The following NRROS variants were observed in gnomAD, a reference collection of about 807,000 sequenced individuals.
NRROS encodes the protein negative regulator of reactive oxygen species.
A neutral mutation model predicts 12.0 loss-of-function variants in NRROS; 6 were observed. The observed-to-expected ratio is 0.50, with a 90% confidence interval of 0.27 to 0.98. The LOEUF is 0.98. NRROS is among the 50% of genes least tolerant of loss of function. NRROS has a pLI of 0.11. For missense variants in NRROS, 857 were observed against 888.2 expected, an observed-to-expected ratio of 0.96 and a Z score of 0.45; for synonymous variants, 462 against 410.2, an observed-to-expected ratio of 1.13 and a Z score of -1.53.
chr3:196,648,043 T>A (rs141401244), intron 1 of NRROS, among the ~76,000 whole-genome samples: 3 of 152,218 alleles, frequency 2.0e-5, no homozygotes, highest in Non-Finnish European at 4.4e-5. Context: ...CCTGAGCACC[T>A]TTCTGAGAAG....
At chr3:196,657,648 A>G (rs9985448) in intron 2 of NRROS, among the ~76,000 whole-genome samples, 38,182 of 150,640 alleles carry the variant, frequency 0.25, 5,046 homozygotes, top group East Asian at 0.31. Context: ...CAGAGGTTGC[A>G]GCAAGCAGAG....
chr3:196,654,861 C>T lies in NRROS; in HGVS notation c.108+214C>T, dbSNP rs1276053358. 11 of 538,508 alleles carry T rather than the reference C, an allele frequency of 2.0e-5. No homozygotes were observed. The East Asian group carries it at 2.9e-4, about 14-fold the overall frequency. The allele number at this position is 538,508 out of a possible 1,614,324, so 33.4% of individuals were successfully genotyped here. On this transcript the variant is annotated intron_variant, in intron 2 of 2. Coordinates refer to ENST00000328557, the MANE Select transcript of NRROS (RefSeq NM_198565.3). The surrounding 1 kb of genome is among the most constrained non-coding windows in gnomAD (Gnocchi z 4.4). ...AAGAGCCAGGCAGTCCCTGCCCCGC[C>T]GTTCTCACGCCTGCTGAGGATAGGA...
chr3:196,656,411 C>T (rs1737538221), intron 2 of NRROS, among the ~76,000 whole-genome samples: 1 of 152,130 alleles, frequency 6.6e-6, no homozygotes, highest in African/African-American at 2.4e-5. Flanking sequence ...CCCAGCCCCA[C>T]CCTTAGCTGG....
chr3:196,652,491 A>G (rs909407417), intron 1 of NRROS, among the ~76,000 whole-genome samples: 5 of 152,214 alleles, frequency 3.3e-5, no homozygotes, highest in African/African-American at 1.2e-4. Context: ...AAGGACAAAT[A>G]ACAAATAACA....
chr3:196,653,591 C>T (rs1044630837), intron 1 of NRROS, among the ~76,000 whole-genome samples: 2 of 152,220 alleles, frequency 1.3e-5, no homozygotes, highest in Non-Finnish European at 2.9e-5. Context: ...GGCGTCAGGT[C>T]CCCAGCAGGG....
intron 1 of NRROS, among the ~76,000 whole-genome samples, chr3:196,641,708 G>A (rs1021349014): frequency 6.6e-6 from 1 of 152,178 alleles, no homozygotes; most frequent in African/African-American, 2.4e-5. Context: ...CTCCAGTCTT[G>A]ACTCTTTTGG....
intron 2 of NRROS, among the ~76,000 whole-genome samples, 154 bp from the exon 3 acceptor site, chr3:196,659,598 C>T (rs1737616783): frequency 6.6e-6 from 1 of 152,140 alleles, no homozygotes; most frequent in Non-Finnish European, 1.5e-5. Context: ...CATGAACCAC[C>T]GTGCCCGGCC....
Position 196,654,863 on chromosome 3 carries a change from TTC to T in NRROS, c.108+219_108+220del, listed in dbSNP as rs1208784750. The T allele has an allele frequency of 1.9e-6, 1 of 535,598 alleles. No individual in the cohort carries two copies. The highest frequency in any genetic ancestry group is 1.9e-5 in the African/African-American group (1 of 51,750). The allele number at this position is 535,598 out of a possible 1,614,324, so 33.2% of individuals were successfully genotyped here. On this transcript the variant is annotated intron_variant, in intron 2 of 2. Coordinates refer to ENST00000328557, the MANE Select transcript of NRROS (RefSeq NM_198565.3). The surrounding 1 kb of genome is among the most constrained non-coding windows in gnomAD (Gnocchi z 4.4). The stretch of plus-strand genomic sequence containing the variant: ...GAGCCAGGCAGTCCCTGCCCCGCCG[TTC>T]TCACGCCTGCTGAGGATAGGAGGCA...
At chr3:196,659,211 C>T (rs771299534) in intron 2 of NRROS, among the ~76,000 whole-genome samples, 9 of 151,678 alleles carry the variant, frequency 5.9e-5, no homozygotes, top group African/African-American at 1.2e-4. Context: ...GCTCCAGTCC[C>T]GGCACAGCCA....
chr3:196,660,240 C>T lies in NRROS; in HGVS notation c.597C>T (p.Gly199=), dbSNP rs555045411. ...QRNYIFEIEG[G]AFDGLAELRH... ...ACTACATCTTCGAGATCGAGGGCGG[C>T]GCTTTCGACGGCCTGGCTGAGCTGA... The change falls in exon 3 of 3, where the codon GGC becomes GGT. Residue 199 remains glycine, a synonymous_variant. Transcript: ENST00000328557. The surrounding 1 kb of genome is among the most constrained non-coding windows in gnomAD (Gnocchi z 7.7). 7 of 1,613,736 alleles carry T rather than the reference C, an allele frequency of 4.3e-6. No individual in the cohort carries two copies. Among genetic ancestry groups the T allele is most frequent in the Admixed American group, 3.3e-5 (2 of 60,024 alleles).
rs989417101 is a variant in NRROS, at chr3:196,655,638, G to A, written c.108+991G>A. 3.9e-5 allele frequency among the ~76,000 whole-genome samples: 6 copies of A among 152,316 alleles called. No individual in the cohort carries two copies. The East Asian group carries it at 7.7e-4, about 20-fold the overall frequency. On this transcript the variant is annotated intron_variant, in intron 2 of 2. Transcript: ENST00000328557. ...CTTGAGAGCTGGAGAAGCCTGCCTC[G>A]GAGTTTGTGGACGAGTTGACCGCTA...
intron 1 of NRROS, among the ~76,000 whole-genome samples, chr3:196,641,186 A>G (rs1249822294): frequency 1.3e-5 from 2 of 151,990 alleles, no homozygotes; most frequent in African/African-American, 2.4e-5. Context: ...CAGCTTCACA[A>G]AGAAGGCACT....
intron 2 of NRROS, among the ~76,000 whole-genome samples, chr3:196,659,481 G>C (rs529133008): frequency 3.3e-5 from 5 of 151,784 alleles, no homozygotes; most frequent in African/African-American, 9.7e-5. Flanking sequence ...CTAGTTTTTT[G>C]TATTTCCTGT....
chr3:196,648,043 T>C (rs141401244), intron 1 of NRROS, among the ~76,000 whole-genome samples: 3 of 152,336 alleles, frequency 2.0e-5, no homozygotes, highest in African/African-American at 4.8e-5. Flanking sequence ...CCTGAGCACC[T>C]TTCTGAGAAG....
intron 2 of NRROS, among the ~76,000 whole-genome samples, chr3:196,656,773 G>A (rs1737544069): frequency 6.6e-6 from 1 of 152,102 alleles, no homozygotes; most frequent in Non-Finnish European, 1.5e-5. Flanking sequence ...CTGGCCCAGT[G>A]GGCAGGAGTA....
In NRROS at chr3:196,660,074, T is replaced by A; in HGVS notation, c.431T>A (p.Leu144Gln). 1 of 1,613,286 alleles carries A rather than the reference T, an allele frequency of 6.2e-7. No individual in the cohort carries two copies. The highest frequency in any genetic ancestry group is 8.5e-7 in the Non-Finnish European group (1 of 1,179,952). ...AGGCTGGACTTGTCAGGAAACGCCC[T>A]GACGGAGGACATGGCAGCCCTCATG... ...LRRLDLSGNA[L>Q]TEDMAALMLQ... Residue 144 changes from leucine to glutamine, a missense_variant, in exon 3 of 3, where the codon CTG becomes CAG. Transcript: ENST00000328557. The surrounding 1 kb of genome is among the most constrained non-coding windows in gnomAD (Gnocchi z 7.7).
chr3:196,641,562 T>C (rs1737210508), intron 1 of NRROS, among the ~76,000 whole-genome samples: 1 of 152,202 alleles, frequency 6.6e-6, no homozygotes, highest in South Asian at 2.1e-4. Context: ...ACACATTCTC[T>C]TATAGTTTTT....
In NRROS at chr3:196,659,881, T is replaced by C; in HGVS notation, c.238T>C (p.Tyr80His). The C allele has an allele frequency of 6.2e-7, 1 of 1,614,040 alleles. No individual in the cohort carries two copies. Among genetic ancestry groups the C allele is most frequent in the Non-Finnish European group, 8.5e-7 (1 of 1,179,964 alleles). The change falls in exon 3 of 3, where the codon TAC (tyrosine) becomes CAC (histidine). Residue 80 changes from tyrosine (Y) to histidine (H), a missense_variant. By Grantham distance (83) the Tyr-to-His change is moderately conservative. Coordinates refer to ENST00000328557, the MANE Select transcript of NRROS (RefSeq NM_198565.3). ...CCTGTGGAATCACTCCCTCCAGCCT[T>C]ACCCTCTCCTGGAGAGCCTCAGCCT... ...KTLWNHSLQP[Y>H]PLLESLSLHS...
At chr3:196,656,111 G>A (rs1737533343) in intron 2 of NRROS, among the ~76,000 whole-genome samples, 1 of 152,060 alleles carries the variant, frequency 6.6e-6, no homozygotes, top group Non-Finnish European at 1.5e-5. Flanking sequence ...AGGTTGCAGT[G>A]AGCTGACATC....
Sources: allele counts gnomAD v4.1 joint callset (sites outside exome capture counted in the v4.1 genomes callset), GRCh38; gene constraint gnomAD v4.1.1; non-coding constraint Gnocchi (gnomAD v3.1); transcripts MANE v1.5; gene names NCBI Gene and HGNC (gene_info 2026-07-23, HGNC 2026-07-21).